The following PARD3B variants were observed in gnomAD, a reference collection of about 807,000 sequenced individuals.
PARD3B encodes the protein par-3 family cell polarity regulator beta.
PARD3B carries 103 observed loss-of-function variants against 130.2 expected under a neutral mutation model. The observed-to-expected ratio is 0.79, with a 90% CI of 0.67 to 0.93. The LOEUF is 0.93. Ranked by LOEUF, PARD3B falls within the 40% of genes least tolerant of loss-of-function variation. PARD3B has a pLI of 0.00. For missense variants in PARD3B, 1,609 were observed against 1,499.2 expected, an observed-to-expected ratio of 1.07 and a Z score of -1.21; for synonymous variants, 583 against 553.2, an observed-to-expected ratio of 1.05 and a Z score of -0.76.
In PARD3B at chr2:204,929,959, T is replaced by G. The variant is rs1318990856; in HGVS notation, c.223-35193T>G. Among the ~76,000 whole-genome samples the G allele has an allele frequency of 1.3e-5, 2 of 152,082 alleles. 1 individual carries two copies. The highest frequency in any genetic ancestry group is 1.3e-4 in the Admixed American group (2 of 15,250). The stretch of plus-strand genomic sequence containing the variant: ...GATGAAAATCTGGGTGTATTTTTAC[T>G]TGTATCTATTTACTTGTAGTCTAAG... On this transcript the variant is annotated intron_variant, in intron 2 of 22. Transcript: ENST00000406610.
chr2:204,905,314 T>C (rs2047005305), intron 2 of PARD3B, among the ~76,000 whole-genome samples: 1 of 152,094 alleles, frequency 6.6e-6, no homozygotes, highest in Non-Finnish European at 1.5e-5. Flanking sequence ...TTGGTGGTGT[T>C]TGGGACCTGG....
chr2:204,914,232 G>A (rs2047356902), intron 2 of PARD3B, among the ~76,000 whole-genome samples: 1 of 151,786 alleles, frequency 6.6e-6, no homozygotes, highest in South Asian at 2.1e-4. Context: ...TTGATGAGTT[G>A]TTTTTTTTCC....
chr2:205,511,556 G>T (rs2050589272), intron 21 of PARD3B, among the ~76,000 whole-genome samples: 1 of 152,102 alleles, frequency 6.6e-6, no homozygotes, highest in Non-Finnish European at 1.5e-5. Flanking sequence ...TGGGAGAAAT[G>T]ACCATTTTAT....
At chr2:205,362,414 T>A (rs1032427401) in intron 18 of PARD3B, among the ~76,000 whole-genome samples, 5 of 150,876 alleles carry the variant, frequency 3.3e-5, no homozygotes, top group Non-Finnish European at 7.3e-5. Flanking sequence ...CTCATCTCAA[T>A]CAGTCACACT....
In PARD3B at chr2:205,146,348, G is replaced by C. The variant is rs961319043; in HGVS notation, c.1435-12374G>C. 2.0e-5 allele frequency among the ~76,000 whole-genome samples: 3 copies of C among 152,080 alleles called. No individual in the cohort carries two copies. Among genetic ancestry groups the C allele is most frequent in the Non-Finnish European group, 2.9e-5 (2 of 68,026 alleles). On this transcript the variant is annotated intron_variant, in intron 10 of 22. Coordinates refer to ENST00000406610, the MANE Select transcript of PARD3B (RefSeq NM_001302769.2). The surrounding 1 kb of genome is among the most constrained non-coding windows in gnomAD (Gnocchi z 4.3). ...CAGGCCCATTATGCTCCCTTTTAAG[G>C]TTATTAAATTGTTACATCAGGCTGG...
chr2:205,196,098 A>G (rs2036667721), intron 15 of PARD3B, among the ~76,000 whole-genome samples: 2 of 152,206 alleles, frequency 1.3e-5, no homozygotes, highest in South Asian at 4.1e-4. Flanking sequence ...AAGAAAAAAT[A>G]AAGCCTCCTT....
intron 20 of PARD3B, among the ~76,000 whole-genome samples, chr2:205,454,343 T>A (rs976188901): frequency 1.3e-5 from 2 of 152,200 alleles, no homozygotes; most frequent in African/African-American, 4.8e-5. Context: ...ATTGCTTTTC[T>A]GTATTTATCT....
chr2:205,212,777 T>G (rs973789849), intron 15 of PARD3B, among the ~76,000 whole-genome samples: 3 of 152,150 alleles, frequency 2.0e-5, no homozygotes, highest in African/African-American at 7.2e-5. Context: ...TGATTATCTG[T>G]GGCCAGAAAC....
chr2:204,928,233 G>A (rs1290481039), intron 2 of PARD3B, among the ~76,000 whole-genome samples: 2 of 152,118 alleles, frequency 1.3e-5, no homozygotes, highest in Non-Finnish European at 2.9e-5. Context: ...CAGCAGGCTA[G>A]ACCTTGTTCT....
chr2:205,377,389 C>A (rs2045102719), intron 18 of PARD3B, among the ~76,000 whole-genome samples: 1 of 152,106 alleles, frequency 6.6e-6, no homozygotes, highest in Non-Finnish European at 1.5e-5. Flanking sequence ...TTGAAATAAG[C>A]TCCTCATGAT....
At chr2:205,586,288 G>T (rs1337901693) in intron 22 of PARD3B, among the ~76,000 whole-genome samples, 1 of 152,174 alleles carries the variant, frequency 6.6e-6, no homozygotes, top group Admixed American at 6.5e-5. Flanking sequence ...CATATTGATT[G>T]TCCTCTTTTA....
chr2:205,340,495 A>G (rs1201928956), intron 18 of PARD3B, among the ~76,000 whole-genome samples: 1 of 152,084 alleles, frequency 6.6e-6, no homozygotes, highest in Non-Finnish European at 1.5e-5. Context: ...ATATACATTC[A>G]GGAAGGGACA....
In PARD3B at chr2:205,590,781, A is replaced by G. The variant is rs187953127; in HGVS notation, c.3261-24675A>G. On this transcript the variant is annotated intron_variant, in intron 22 of 22. Coordinates refer to ENST00000406610, the MANE Select transcript of PARD3B (RefSeq NM_001302769.2). This position sits in a 1 kb window ranked among gnomAD's most constrained non-coding sequence, Gnocchi z 4.1. ...TAGAAGCTGTTGCCACATATTCACAAGAAGTAGGATGAGTACCAAATCCCT... is the reference window on the plus strand; with the variant it reads ...TAGAAGCTGTTGCCACATATTCACAGGAAGTAGGATGAGTACCAAATCCCT... Among the ~76,000 whole-genome samples the G allele has an allele frequency of 4.1e-4, 63 of 152,280 alleles. No homozygotes were observed. In the East Asian group the frequency reaches 0.012, roughly 28 times the overall value.
At chr2:205,184,092 G>A (rs577654763) in intron 13 of PARD3B, among the ~76,000 whole-genome samples, 73 of 152,244 alleles carry the variant, frequency 4.8e-4, no homozygotes, top group African/African-American at 1.5e-3. Flanking sequence ...GCCTTCACGT[G>A]ATTAGACAAG....
intron 2 of PARD3B, among the ~76,000 whole-genome samples, chr2:204,937,350 G>T (rs1168757543): frequency 6.6e-6 from 1 of 152,160 alleles, no homozygotes; most frequent in Non-Finnish European, 1.5e-5. Context: ...GGGGATCCTT[G>T]ACTGGTACTT....
rs1244733907 is a variant in PARD3B, at chr2:205,146,468, C to T, written c.1435-12254C>T. 2.0e-5 allele frequency among the ~76,000 whole-genome samples: 3 copies of T among 151,786 alleles called. No homozygotes were observed. The highest frequency in any genetic ancestry group is 4.4e-5 in the Non-Finnish European group (3 of 67,982). On this transcript the variant is annotated intron_variant, in intron 10 of 22. Transcript: ENST00000406610. This position sits in a 1 kb window ranked among gnomAD's most constrained non-coding sequence, Gnocchi z 4.3. ...ATCGAGACCATCCTGGCTAACACGG[C>T]AAAACCCCGTCTCTACTAAAAATAC...
chr2:204,789,169 G>A (rs2042115057), intron 2 of PARD3B, among the ~76,000 whole-genome samples: 1 of 152,106 alleles, frequency 6.6e-6, no homozygotes, highest in Admixed American at 6.6e-5. Flanking sequence ...CAGTCTTCTT[G>A]CCTCAGCCTC....
chr2:204,553,875 T>C (rs978665340), intron 1 of PARD3B, among the ~76,000 whole-genome samples: 5 of 150,662 alleles, frequency 3.3e-5, no homozygotes, highest in Admixed American at 3.3e-4. Flanking sequence ...ACAAAGGACT[T>C]CAGGGACTCA....
At chr2:204,833,205 A>G (rs1214059748) in intron 2 of PARD3B, among the ~76,000 whole-genome samples, 1 of 152,218 alleles carries the variant, frequency 6.6e-6, no homozygotes, top group African/African-American at 2.4e-5. Flanking sequence ...TTGGAGTCCA[A>G]GTATTCAGCA....
Sources: gnomAD v4.1 joint callset for allele counts (sites outside exome capture counted in the v4.1 genomes callset) on GRCh38, gnomAD v4.1.1 for gene constraint, Gnocchi (gnomAD v3.1) non-coding constraint, MANE v1.5 for transcripts, NCBI Gene and HGNC (gene_info 2026-07-23, HGNC 2026-07-21) for gene names.